Variants in CAMKMT observed in about 807,000 individuals in gnomAD.
CAMKMT encodes calmodulin-lysine N-methyltransferase.
Under a neutral mutation model 48.0 loss-of-function variants are expected in CAMKMT, and 53 were observed. That is an observed-to-expected ratio of 1.10 (90% CI 0.89 to 1.39). The LOEUF (loss-of-function observed/expected upper bound fraction) is 1.39. Ranked by LOEUF, CAMKMT falls within the 40% of genes most tolerant of loss-of-function variation. The probability of loss-of-function intolerance (pLI) is 0.00; values close to 1 mark genes in which losing one functional copy is unlikely to be tolerated. For missense variants in CAMKMT, 428 were observed against 402.7 expected, an observed-to-expected ratio of 1.06 and a Z score of -0.54; for synonymous variants, 165 against 152.3, an observed-to-expected ratio of 1.08 and a Z score of -0.61.
At chr2:44,516,585 C>A (rs1670844036) in intron 3 of CAMKMT, among the ~76,000 whole-genome samples, 1 of 152,042 alleles carries the variant, frequency 6.6e-6, no homozygotes, top group South Asian at 2.1e-4. Context: ...ACTATTAACT[C>A]ATTACCCTTG....
chr2:44,400,925 T>C (rs1682309089), intron 3 of CAMKMT: 3 of 35,292 alleles, frequency 8.5e-5, no homozygotes, highest in Non-Finnish European at 1.6e-4. Flanking sequence ...TATACTTATG[T>C]GTGTGTATAT....
intron 6 of CAMKMT, among the ~76,000 whole-genome samples, chr2:44,711,973 T>C (rs1173599489): frequency 6.6e-6 from 1 of 152,180 alleles, no homozygotes; most frequent in African/African-American, 2.4e-5. Flanking sequence ...AAAACTAAAA[T>C]GATTTGGTGA....
chr2:44,405,267 A>G (rs536455862), intron 3 of CAMKMT, among the ~76,000 whole-genome samples: 3 of 152,242 alleles, frequency 2.0e-5, no homozygotes, highest in Admixed American at 6.5e-5. Flanking sequence ...TGGACTGGAA[A>G]GGAACATAAC....
chr2:44,363,915 TC>T (rs1678311506), intron 1 of CAMKMT, among the ~76,000 whole-genome samples: 2 of 151,152 alleles, frequency 1.3e-5, no homozygotes, highest in African/African-American at 2.4e-5. Context: ...GGTCTCAAAC[TC>T]CTGACCTCAG....
chr2:44,632,134 C>G (rs1367328120), intron 3 of CAMKMT, among the ~76,000 whole-genome samples: 1 of 152,080 alleles, frequency 6.6e-6, no homozygotes, highest in Non-Finnish European at 1.5e-5. Context: ...CATGTACTTA[C>G]CATTTTCAGC....
At position 44,415,521 on chromosome 2, in the gene CAMKMT, T is replaced by A. The variant is rs193284252; in HGVS notation, c.376+25216T>A. 5.9e-5 allele frequency among the ~76,000 whole-genome samples: 9 copies of A among 152,306 alleles called. No individual in the cohort carries two copies. The East Asian group carries it at 1.7e-3, about 29-fold the overall frequency. On this transcript the variant is annotated intron_variant, in intron 3 of 10. Transcript: ENST00000378494. ...AATTAAGATAATCACATGAATAAAT[T>A]AGTGGCAATAATTTCTTTGAGTCTT...
At chr2:44,365,427 A>G (rs900402982) in intron 1 of CAMKMT, among the ~76,000 whole-genome samples, 1 of 152,194 alleles carries the variant, frequency 6.6e-6, no homozygotes, top group Non-Finnish European at 1.5e-5. Context: ...CTTAAATTAG[A>G]TGAGGTCTGG....
At chr2:44,519,750 A>T (rs1175490754) in intron 3 of CAMKMT, among the ~76,000 whole-genome samples, 1 of 152,114 alleles carries the variant, frequency 6.6e-6, no homozygotes, top group Admixed American at 6.5e-5. Flanking sequence ...AACATGCACT[A>T]TTTCATTTGG....
intron 2 of CAMKMT, among the ~76,000 whole-genome samples, chr2:44,375,836 A>C (rs1477303354): frequency 6.6e-6 from 1 of 151,670 alleles, no homozygotes; most frequent in Non-Finnish European, 1.5e-5. Context: ...CCCAGGCTGG[A>C]GTGCAGTAGC....
At chr2:44,718,169 TCAATC>T (rs1374567696) in intron 7 of CAMKMT, among the ~76,000 whole-genome samples, 1 of 152,214 alleles carries the variant, frequency 6.6e-6, no homozygotes, top group African/African-American at 2.4e-5. Flanking sequence ...AGCTTCACAG[TCAATC>T]CACCTCTGCT....
intron 8 of CAMKMT, among the ~76,000 whole-genome samples, chr2:44,751,089 A>G (rs1049821604): frequency 6.6e-6 from 1 of 152,058 alleles, no homozygotes; most frequent in East Asian, 1.9e-4. Flanking sequence ...GAATGAGAGG[A>G]CAACAATGAA....
intron 3 of CAMKMT, among the ~76,000 whole-genome samples, chr2:44,529,670 C>G (rs966965747): frequency 1.3e-5 from 2 of 152,172 alleles, no homozygotes; most frequent in East Asian, 1.9e-4. Context: ...CAGCTCTGAC[C>G]ACAGGAGACC....
chr2:44,620,069 C>A (rs1306872631), intron 3 of CAMKMT, among the ~76,000 whole-genome samples: 1 of 152,100 alleles, frequency 6.6e-6, no homozygotes. Context: ...ATTTCAGTGT[C>A]TATCTCTAAA....
intron 3 of CAMKMT, among the ~76,000 whole-genome samples, chr2:44,470,672 CAA>C (rs1414431473): frequency 1.3e-5 from 2 of 152,154 alleles, no homozygotes; most frequent in Admixed American, 6.5e-5. Flanking sequence ...GATATCCAGA[CAA>C]AGTCATTGCT....
chr2:44,388,557 A>AT (rs766819066), intron 2 of CAMKMT, among the ~76,000 whole-genome samples: 1 of 152,018 alleles, frequency 6.6e-6, no homozygotes, highest in African/African-American at 2.4e-5. Flanking sequence ...AACTAGTGTG[A>AT]TTTTTTTGGG....
Position 44,772,022 on chromosome 2 carries a change from A to G in CAMKMT, c.895-14A>G, listed in dbSNP as rs1247584027. 2 of 1,590,880 alleles carry G rather than the reference A, an allele frequency of 1.3e-6. No homozygotes were observed. The highest frequency in any genetic ancestry group is 1.7e-6 in the Non-Finnish European group (2 of 1,160,920). ...GGAGTCCCCTTACCTTTTTCTTTCT[A>G]TTATTGTTTTCAGTTGAAAAAGGAA... On this transcript the variant is annotated splice_polypyrimidine_tract_variant and intron_variant, in intron 10 of 10. Coordinates refer to ENST00000378494, the MANE Select transcript of CAMKMT (RefSeq NM_024766.5).
chr2:44,426,599 T>C (rs989129021), intron 3 of CAMKMT, among the ~76,000 whole-genome samples: 2 of 152,028 alleles, frequency 1.3e-5, no homozygotes, highest in Admixed American at 1.3e-4. Context: ...TACACATACC[T>C]AGGAATACTT....
intron 3 of CAMKMT, among the ~76,000 whole-genome samples, chr2:44,533,813 A>G (rs561871855): frequency 2.6e-4 from 40 of 152,338 alleles, no homozygotes; most frequent in African/African-American, 9.4e-4. Flanking sequence ...ACAATAAGAG[A>G]TGAAGAAAGG....
intron 3 of CAMKMT, among the ~76,000 whole-genome samples, chr2:44,429,847 C>T (rs1684536413): frequency 6.7e-6 from 1 of 149,588 alleles, no homozygotes; most frequent in Non-Finnish European, 1.5e-5. Context: ...AGAATAAAAC[C>T]TATCAGAGTC....
Sources: gnomAD v4.1 joint callset for allele counts (sites outside exome capture counted in the v4.1 genomes callset) on GRCh38, gnomAD v4.1.1 for gene constraint, MANE v1.5 for transcripts, NCBI Gene and HGNC (gene_info 2026-07-23, HGNC 2026-07-21) for gene names.